CACNA1D: variants seen among roughly 807,000 people sequenced by gnomAD.
The protein encoded by CACNA1D is calcium voltage-gated channel subunit alpha1 D.
A neutral mutation model predicts 257.1 loss-of-function variants in CACNA1D; 55 were observed. The observed-to-expected ratio is 0.21, with a 90% CI of 0.17 to 0.27. CACNA1D has a LOEUF of 0.27. Ranked by LOEUF, CACNA1D falls within the 10% of genes least tolerant of loss-of-function variation. CACNA1D has a pLI of 1.00. For missense variants in CACNA1D, 1,876 were observed against 2,784.0 expected, an observed-to-expected ratio of 0.67 and a Z score of 7.34; for synonymous variants, 980 against 1,014.9, an observed-to-expected ratio of 0.97 and a Z score of 0.65.
At position 53,800,212 on chromosome 3, in the gene CACNA1D, T is replaced by C; in HGVS notation, c.4924-37T>C. 1 of 1,437,750 alleles carries C rather than the reference T, an allele frequency of 7.0e-7. No homozygotes were observed. Among genetic ancestry groups the C allele is most frequent in the Non-Finnish European group, 9.8e-7 (1 of 1,018,978 alleles). The allele number at this position is 1,437,750 out of a possible 1,614,324, so 89.1% of individuals were successfully genotyped here. On this transcript the variant is annotated intron_variant, in intron 40 of 47. Transcript: ENST00000350061. The surrounding 1 kb of genome is among the most constrained non-coding windows in gnomAD (Gnocchi z 4.3). ...ACCCAGGCTGGCCCCAGGGCCCATG[T>C]GTGGTCTAACCTGTTCTGCCATTTT...
intron 8 of CACNA1D, chr3:53,679,052 C>T (rs1345243086): frequency 3.3e-5 from 5 of 151,568 alleles, no homozygotes; most frequent in Non-Finnish European, 5.9e-5. Context: ...GCTGGACCAC[C>T]CGAGATCAGG....
chr3:53,715,645 G>A (rs1356833048), intron 9 of CACNA1D, among the ~76,000 whole-genome samples: 1 of 152,164 alleles, frequency 6.6e-6, no homozygotes, highest in Non-Finnish European at 1.5e-5. Flanking sequence ...TACAGGTGAG[G>A]CAATGGAGAT....
intron 9 of CACNA1D, among the ~76,000 whole-genome samples, chr3:53,712,263 T>G (rs1269615516): frequency 1.3e-5 from 2 of 151,952 alleles, no homozygotes; most frequent in African/African-American, 4.8e-5. Flanking sequence ...TTATTTTGAG[T>G]GGGAATGGCT....
intron 3 of CACNA1D, among the ~76,000 whole-genome samples, chr3:53,509,075 TAAG>T (rs1287063015): frequency 6.6e-6 from 1 of 152,040 alleles, no homozygotes; most frequent in Non-Finnish European, 1.5e-5. Flanking sequence ...GTGATGGAAA[TAAG>T]GAGAGTGGTG....
At chr3:53,551,671 C>T (rs1043464316) in intron 3 of CACNA1D, among the ~76,000 whole-genome samples, 1 of 152,218 alleles carries the variant, frequency 6.6e-6, no homozygotes, top group Admixed American at 6.5e-5. Context: ...CTTTGCCATC[C>T]CCTTCTCAAG....
At chr3:53,719,732 A>G in intron 10 of CACNA1D, 23 bp from the exon 11 acceptor site, 4 of 1,611,760 alleles carry the variant, frequency 2.5e-6, no homozygotes, top group Non-Finnish European at 3.4e-6. Flanking sequence ...CCAGAATCTT[A>G]ACACTTTTTG....
At chr3:53,591,888 T>C (rs1469245663) in intron 3 of CACNA1D, among the ~76,000 whole-genome samples, 1 of 152,196 alleles carries the variant, frequency 6.6e-6, no homozygotes, top group African/African-American at 2.4e-5. Context: ...CTCATGTTAC[T>C]CAGCTTGTTT....
intron 3 of CACNA1D, among the ~76,000 whole-genome samples, chr3:53,649,513 T>G (rs1194044798): frequency 6.6e-6 from 1 of 152,026 alleles, no homozygotes; most frequent in Non-Finnish European, 1.5e-5. Flanking sequence ...CATTCAAAAC[T>G]TCCCCCTCCA....
chr3:53,715,025 A>G (rs1303237122), intron 9 of CACNA1D, among the ~76,000 whole-genome samples: 1 of 152,194 alleles, frequency 6.6e-6, no homozygotes, highest in Non-Finnish European at 1.5e-5. Context: ...ATCTTTTCAA[A>G]TATTTTTGGA....
At chr3:53,596,779 G>T (rs2093376262) in intron 3 of CACNA1D, among the ~76,000 whole-genome samples, 1 of 152,176 alleles carries the variant, frequency 6.6e-6, no homozygotes, top group South Asian at 2.1e-4. Flanking sequence ...ACCCATTTCT[G>T]CCATCTGACC....
At chr3:53,670,958 C>T (rs561080918) in intron 7 of CACNA1D, among the ~76,000 whole-genome samples, 3 of 152,254 alleles carry the variant, frequency 2.0e-5, no homozygotes, top group African/African-American at 7.2e-5. Context: ...GGGAGCAAGA[C>T]CGTTCTCAGA....
intron 29 of CACNA1D, 63 bp from the exon 30 acceptor site, chr3:53,761,935 C>T (rs1021417991): frequency 2.0e-5 from 23 of 1,170,774 alleles, no homozygotes; most frequent in Middle Eastern, 1.9e-4. Context: ...CGCCCCTATA[C>T]GGTCCGTGTG....
chr3:53,621,289 C>CT (rs376448687), intron 3 of CACNA1D, among the ~76,000 whole-genome samples: 53 of 152,252 alleles, frequency 3.5e-4, no homozygotes, highest in African/African-American at 1.3e-3. Flanking sequence ...GTGTCTCACT[C>CT]TTTTTCTGAG....
intron 3 of CACNA1D, among the ~76,000 whole-genome samples, chr3:53,634,502 G>A (rs544077839): frequency 4.6e-5 from 7 of 152,326 alleles, no homozygotes; most frequent in South Asian, 2.1e-4. Flanking sequence ...GTAATAGGGT[G>A]TGAATGGGTG....
At chr3:53,742,571 C>T (rs2095128495) in intron 21 of CACNA1D, among the ~76,000 whole-genome samples, 1 of 152,166 alleles carries the variant, frequency 6.6e-6, no homozygotes, top group South Asian at 2.1e-4. Flanking sequence ...GCCTGGGAGC[C>T]CTGAATTCAA....
chr3:53,567,428 C>T (rs1575902345), intron 3 of CACNA1D, among the ~76,000 whole-genome samples: 2 of 152,196 alleles, frequency 1.3e-5, no homozygotes, highest in South Asian at 4.1e-4. Context: ...TTGGGGTATT[C>T]ACAAATGTCA....
intron 3 of CACNA1D, among the ~76,000 whole-genome samples, chr3:53,582,456 G>C (rs564056218): frequency 1.3e-5 from 2 of 152,260 alleles, no homozygotes; most frequent in African/African-American, 4.8e-5. Flanking sequence ...ATGGTTATTG[G>C]GGGTATAGGG....
rs1008860590 is a variant in CACNA1D at position 53,789,692 on chromosome 3, G to T, written c.4923+2740G>T. 6.6e-6 allele frequency among the ~76,000 whole-genome samples: 1 copy of T among 152,216 alleles called. No individual in the cohort carries two copies. The highest frequency in any genetic ancestry group is 1.5e-5 in the Non-Finnish European group (1 of 68,028). On this transcript the variant is annotated intron_variant, in intron 40 of 47. Transcript: ENST00000350061. This position sits in a 1 kb window ranked among gnomAD's most constrained non-coding sequence, Gnocchi z 4.2. ...TAATGGAAAGTGGAGCATGGCCGTC[G>T]CAGTGTGAGCGCAGAAGTGCGGACC...
chr3:53,729,422 C>G (rs907919754), intron 15 of CACNA1D, among the ~76,000 whole-genome samples: 2 of 152,128 alleles, frequency 1.3e-5, no homozygotes, highest in African/African-American at 4.8e-5. Context: ...GCTCCTGTCT[C>G]GGGGTCTCTG....
Sources: gnomAD v4.1 joint callset for allele counts (sites outside exome capture counted in the v4.1 genomes callset) on GRCh38, gnomAD v4.1.1 for gene constraint, Gnocchi (gnomAD v3.1) non-coding constraint, MANE v1.5 for transcripts, NCBI Gene and HGNC (gene_info 2026-07-23, HGNC 2026-07-21) for gene names.